AKT3: variants seen among roughly 807,000 people sequenced by gnomAD.
The protein encoded by AKT3 is AKT serine/threonine kinase 3, also known as RAC-gamma serine/threonine-protein kinase.
AKT3 carries 15 observed loss-of-function variants against 65.3 expected under a neutral mutation model. That is an observed-to-expected ratio of 0.23 (90% confidence interval 0.15 to 0.35). The LOEUF (loss-of-function observed/expected upper bound fraction) is 0.35. Among genes scored for constraint, AKT3 ranks in the 10% least tolerant of loss-of-function variants. The pLI is 1.00. For synonymous variants in AKT3, 206 were observed against 183.8 expected (o/e 1.12, Z -0.98); for missense variants, 243 against 576.5 (o/e 0.42, Z 5.92).
chr1:243,625,774 G>C (rs2148631011), intron 6 of AKT3, among the ~76,000 whole-genome samples: 1 of 152,306 alleles, frequency 6.6e-6, no homozygotes, highest in East Asian at 1.9e-4. Context: ...CAGTATCTTT[G>C]ATTCTGAATG....
intron 3 of AKT3, among the ~76,000 whole-genome samples, chr1:243,673,699 C>T (rs182474307): frequency 2.6e-5 from 4 of 151,110 alleles, no homozygotes; most frequent in Admixed American, 6.6e-5. Context: ...CTGCAACCTC[C>T]GCCTCCCGGG....
chr1:243,757,183 G>A (rs1215890221), intron 2 of AKT3, among the ~76,000 whole-genome samples: 2 of 152,228 alleles, frequency 1.3e-5, no homozygotes, highest in Non-Finnish European at 2.9e-5. Flanking sequence ...CTGATGATCA[G>A]ATGGTAGTGA....
At chr1:243,612,319 T>C (rs1373187504) in intron 8 of AKT3, among the ~76,000 whole-genome samples, 4 of 151,772 alleles carry the variant, frequency 2.6e-5, no homozygotes, top group East Asian at 3.9e-4. Flanking sequence ...TCCACTATGT[T>C]GCCCAGGCCG....
At chr1:243,700,109 G>A (rs562433382) in intron 2 of AKT3, among the ~76,000 whole-genome samples, 11 of 152,224 alleles carry the variant, frequency 7.2e-5, no homozygotes, top group African/African-American at 2.4e-4. Context: ...GCAGTCCTAG[G>A]AAATACAGCT....
chr1:243,833,289 G>A (rs1245430859), intron 2 of AKT3, among the ~76,000 whole-genome samples: 1 of 152,030 alleles, frequency 6.6e-6, no homozygotes, highest in Admixed American at 6.6e-5. Context: ...CCAGAGACTG[G>A]GTAATTAACA....
intron 2 of AKT3, among the ~76,000 whole-genome samples, chr1:243,785,682 T>G (rs141075600): frequency 6.6e-6 from 1 of 152,194 alleles, no homozygotes; most frequent in Non-Finnish European, 1.5e-5. Flanking sequence ...TAGGATGCGT[T>G]CATATTGCTA....
At chr1:243,561,485 C>G (rs1274526200) in intron 10 of AKT3, among the ~76,000 whole-genome samples, 2 of 152,148 alleles carry the variant, frequency 1.3e-5, no homozygotes, top group Non-Finnish European at 2.9e-5. Flanking sequence ...TCTACCACCT[C>G]TTAGCTGTGT....
intron 3 of AKT3, among the ~76,000 whole-genome samples, chr1:243,682,316 T>TA (rs1553432379): frequency 6.6e-6 from 1 of 152,076 alleles, no homozygotes; most frequent in African/African-American, 2.4e-5. Context: ...GGCAAATTTT[T>TA]AAAAAATAAA....
intron 8 of AKT3, among the ~76,000 whole-genome samples, chr1:243,589,619 T>G (rs540851958): frequency 1.3e-5 from 2 of 152,284 alleles, no homozygotes; most frequent in South Asian, 4.1e-4. Flanking sequence ...TGGAAAACAG[T>G]ATGGAGGCTC....
intron 3 of AKT3, among the ~76,000 whole-genome samples, chr1:243,668,754 T>C (rs1486420303): frequency 6.6e-6 from 1 of 152,104 alleles, no homozygotes. Flanking sequence ...CCAAGTAAGT[T>C]TGTCAAAGCA....
chr1:243,626,310 T>C (rs1679156900), intron 6 of AKT3, among the ~76,000 whole-genome samples: 1 of 152,138 alleles, frequency 6.6e-6, no homozygotes, highest in Admixed American at 6.5e-5. Flanking sequence ...AAACGGTTAC[T>C]AAGAGATGGG....
intron 12 of AKT3, among the ~76,000 whole-genome samples, chr1:243,534,408 A>G (rs1239257817): frequency 6.6e-6 from 1 of 152,236 alleles, no homozygotes; most frequent in East Asian, 1.9e-4. Context: ...GGAAGGAGAA[A>G]CAGATGACTC....
At chr1:243,577,310 C>T (rs554995188) in intron 8 of AKT3, among the ~76,000 whole-genome samples, 1 of 152,218 alleles carries the variant, frequency 6.6e-6, no homozygotes, top group South Asian at 2.1e-4. Context: ...CCACACTGGG[C>T]TAATTTTTAT....
chr1:243,713,894 G>A (rs1266904954), intron 2 of AKT3, among the ~76,000 whole-genome samples: 1 of 151,990 alleles, frequency 6.6e-6, no homozygotes, highest in African/African-American at 2.4e-5. Flanking sequence ...AATTGAAGGG[G>A]GTTCATCTGA....
At chr1:243,734,245 A>C (rs1315829100) in intron 2 of AKT3, among the ~76,000 whole-genome samples, 4 of 152,230 alleles carry the variant, frequency 2.6e-5, no homozygotes, top group Non-Finnish European at 5.9e-5. Flanking sequence ...CACAAATCAA[A>C]GTTCACAAAT....
chr1:243,588,428 AAAGCTAACATC>A (rs1644854050), intron 8 of AKT3, among the ~76,000 whole-genome samples: 1 of 152,212 alleles, frequency 6.6e-6, no homozygotes, highest in African/African-American at 2.4e-5. Context: ...TTACACGAAC[AAAGCTAACATC>A]AATACTGAAA....
chr1:243,755,977 T>C (rs1274309233), intron 2 of AKT3, among the ~76,000 whole-genome samples: 1 of 152,158 alleles, frequency 6.6e-6, no homozygotes, highest in Non-Finnish European at 1.5e-5. Flanking sequence ...CCACAAGAAG[T>C]AGTGGCCAGC....
intron 2 of AKT3, among the ~76,000 whole-genome samples, chr1:243,730,711 G>A (rs1299314277): frequency 2.0e-5 from 3 of 152,240 alleles, no homozygotes; most frequent in East Asian, 1.9e-4. Context: ...TCGCCGAGCC[G>A]CGGGTGGAGA....
intron 2 of AKT3, among the ~76,000 whole-genome samples, chr1:243,835,123 T>G (rs1694810842): frequency 1.3e-5 from 2 of 152,180 alleles, no homozygotes; most frequent in Non-Finnish European, 2.9e-5. Flanking sequence ...ACTAACATTT[T>G]GAACTGGAAA....
Sources: allele counts gnomAD v4.1 joint callset (sites outside exome capture counted in the v4.1 genomes callset), GRCh38; gene constraint gnomAD v4.1.1; transcripts MANE v1.5; gene names NCBI Gene and HGNC (gene_info 2026-07-23, HGNC 2026-07-21).